SLC8A1: variants seen among roughly 807,000 people sequenced by gnomAD.
SLC8A1 encodes sodium/calcium exchanger 1.
SLC8A1 carries 18 observed loss-of-function variants against 68.3 expected under a neutral mutation model. The observed-to-expected ratio is 0.26, with a 90% CI of 0.18 to 0.39. The LOEUF (loss-of-function observed/expected upper bound fraction) is 0.39, where lower values mean the gene tolerates loss of function less well. SLC8A1 is among the 10% of genes least tolerant of loss of function. SLC8A1 has a pLI of 1.00. For missense variants in SLC8A1, 985 were observed against 1,156.7 expected, an observed-to-expected ratio of 0.85 and a Z score of 2.15; for synonymous variants, 475 against 415.5, an observed-to-expected ratio of 1.14 and a Z score of -1.74.
intron 6 of SLC8A1, among the ~76,000 whole-genome samples, chr2:40,159,748 T>A (rs1235912893): frequency 6.6e-6 from 1 of 152,164 alleles, no homozygotes; most frequent in African/African-American, 2.4e-5. Context: ...ATATATTCAA[T>A]TGCAAAAAAC....
intron 2 of SLC8A1, among the ~76,000 whole-genome samples, chr2:40,243,760 C>A (rs2061497819): frequency 6.6e-6 from 1 of 152,134 alleles, no homozygotes; most frequent in East Asian, 1.9e-4. Context: ...GGGAAGGCAC[C>A]AACTCTGCTG....
intron 1 of SLC8A1, among the ~76,000 whole-genome samples, chr2:40,438,218 A>G (rs775481575): frequency 1.3e-5 from 2 of 152,162 alleles, no homozygotes; most frequent in Non-Finnish European, 2.9e-5. Context: ...ATAATTGTTC[A>G]CCACTAACCC....
intron 2 of SLC8A1, among the ~76,000 whole-genome samples, chr2:40,397,479 G>C (rs1429143303): frequency 6.6e-6 from 1 of 152,144 alleles, no homozygotes; most frequent in African/African-American, 2.4e-5. Context: ...TTTCACAGGT[G>C]GGTAATCAAC....
intron 2 of SLC8A1, among the ~76,000 whole-genome samples, chr2:40,297,799 T>G (rs920254640): frequency 6.6e-6 from 1 of 152,208 alleles, no homozygotes; most frequent in Non-Finnish European, 1.5e-5. Context: ...CATCTTCAAT[T>G]CAAGAGGAGG....
intron 6 of SLC8A1, among the ~76,000 whole-genome samples, chr2:40,144,508 T>C (rs575841450): frequency 2.0e-5 from 3 of 152,148 alleles, no homozygotes; most frequent in Non-Finnish European, 4.4e-5. Flanking sequence ...GTATCACATA[T>C]TGATTCGAAG....
intron 5 of SLC8A1, among the ~76,000 whole-genome samples, chr2:40,161,524 A>G (rs2045687071): frequency 6.6e-6 from 1 of 151,866 alleles, no homozygotes; most frequent in Admixed American, 6.6e-5. Context: ...CTTGCCCTAA[A>G]TCTCCCCTGC....
intron 2 of SLC8A1, among the ~76,000 whole-genome samples, chr2:40,379,571 C>G (rs936829274): frequency 6.6e-6 from 1 of 152,036 alleles, no homozygotes; most frequent in Non-Finnish European, 1.5e-5. Context: ...CTGTCCTTAG[C>G]TTGACTATGT....
chr2:40,362,922 C>T (rs1288452565), intron 2 of SLC8A1, among the ~76,000 whole-genome samples: 1 of 152,066 alleles, frequency 6.6e-6, no homozygotes, highest in African/African-American at 2.4e-5. Flanking sequence ...TTATTTGAGA[C>T]TACCCCATGC....
chr2:40,189,203 T>C (rs1358365319), intron 2 of SLC8A1, among the ~76,000 whole-genome samples: 1 of 152,222 alleles, frequency 6.6e-6, no homozygotes, highest in African/African-American at 2.4e-5. Context: ...ACATCATAAA[T>C]TGCCAGAAGG....
At chr2:40,271,895 C>G (rs1046564291) in intron 2 of SLC8A1, among the ~76,000 whole-genome samples, 1 of 151,938 alleles carries the variant, frequency 6.6e-6, no homozygotes, top group Non-Finnish European at 1.5e-5. Context: ...GAGTCAGGGT[C>G]TCACTCTGTT....
intron 6 of SLC8A1, among the ~76,000 whole-genome samples, chr2:40,151,445 C>T (rs2043409324): frequency 6.6e-6 from 1 of 151,912 alleles, no homozygotes; most frequent in Non-Finnish European, 1.5e-5. Flanking sequence ...GTGCCAAGCA[C>T]TGTCTTAGGT....
At chr2:40,296,919 C>T (rs550996586) in intron 2 of SLC8A1, among the ~76,000 whole-genome samples, 1 of 152,280 alleles carries the variant, frequency 6.6e-6, no homozygotes, top group Non-Finnish European at 1.5e-5. Context: ...CTAGAAACTC[C>T]CTCTAGACCA....
chr2:40,250,813 T>C (rs1170704099), intron 2 of SLC8A1: 3 of 152,204 alleles, frequency 2.0e-5, no homozygotes, highest in Non-Finnish European at 2.9e-5. Flanking sequence ...CAGTGTACTT[T>C]AGCACAATAT....
At chr2:40,165,308 CCT>C (rs1457822222) in intron 4 of SLC8A1, among the ~76,000 whole-genome samples, 2 of 152,140 alleles carry the variant, frequency 1.3e-5, no homozygotes, top group Admixed American at 1.3e-4. Context: ...GCAGCTATTC[CCT>C]GTGACGCTGG....
intron 1 of SLC8A1, among the ~76,000 whole-genome samples, chr2:40,477,083 G>A (rs761840585): frequency 1.3e-5 from 2 of 152,058 alleles, no homozygotes; most frequent in Non-Finnish European, 2.9e-5. Context: ...TACTGTCCAC[G>A]ACAATGTCAT....
At chr2:40,390,308 CT>C (rs1008250255) in intron 2 of SLC8A1, among the ~76,000 whole-genome samples, 11 of 151,182 alleles carry the variant, frequency 7.3e-5, no homozygotes, top group South Asian at 2.1e-4. Flanking sequence ...TTATTTACCA[CT>C]TTTTTTTTAA....
chr2:40,200,237 TAA>T (rs1239642607), intron 2 of SLC8A1, among the ~76,000 whole-genome samples: 1,464 of 19,852 alleles, frequency 0.074, 296 homozygotes, highest in Admixed American at 0.32. Context: ...TATATATATA[TAA>T]ATATATATAT....
At chr2:40,149,100 G>T (rs2042967219) in intron 6 of SLC8A1, among the ~76,000 whole-genome samples, 1 of 152,186 alleles carries the variant, frequency 6.6e-6, no homozygotes, top group South Asian at 2.1e-4. Flanking sequence ...TATTAAGTCT[G>T]TAGGTTTGAA....
rs559593626 is a variant in SLC8A1 at position 40,177,364 on chromosome 2, T to C, written c.1912+388A>G. Among the ~76,000 whole-genome samples, 31 of 152,314 alleles carry C rather than the reference T, an allele frequency of 2.0e-4. No homozygotes were observed. In the South Asian group the frequency reaches 3.5e-3, roughly 17 times the overall value. On this transcript the variant is annotated intron_variant, in intron 3 of 7. Transcript: ENST00000406785. ...AAGCAGTTTCTTTTTTCCAGCTTTA[T>C]TGAGGTATGATTGATGAGGTATTAA... is the stretch of plus-strand genomic sequence containing the variant.
Sources: gnomAD v4.1 joint callset for allele counts (sites outside exome capture counted in the v4.1 genomes callset) on GRCh38, gnomAD v4.1.1 for gene constraint, MANE v1.5 for transcripts, NCBI Gene and HGNC (gene_info 2026-07-23, HGNC 2026-07-21) for gene names.